HERPUD2: variants seen among roughly 807,000 people sequenced by gnomAD.
HERPUD2 encodes the protein homocysteine-responsive endoplasmic reticulum-resident ubiquitin-like domain member 2 protein.
A neutral mutation model predicts 49.9 loss-of-function variants in HERPUD2; 13 were observed. That is an observed-to-expected ratio of 0.26 (90% confidence interval 0.17 to 0.41). HERPUD2 has a LOEUF of 0.41. Ranked by LOEUF, HERPUD2 falls within the 10% of genes least tolerant of loss-of-function variation. The pLI, the probability that HERPUD2 is intolerant of heterozygous loss-of-function variation, is 1.00. For synonymous variants in HERPUD2, 172 were observed against 171.4 expected (o/e 1.00, Z -0.03); for missense variants, 449 against 492.2 (o/e 0.91, Z 0.83).
At chr7:35,693,672 G>A (rs1786243863) in intron 2 of HERPUD2, among the ~76,000 whole-genome samples, 1 of 151,688 alleles carries the variant, frequency 6.6e-6, no homozygotes, top group Non-Finnish European at 1.5e-5. Flanking sequence ...GAGTCTCACT[G>A]TGCCACTCAG....
intron 2 of HERPUD2, among the ~76,000 whole-genome samples, chr7:35,688,731 G>C (rs1786117385): frequency 6.6e-6 from 1 of 152,080 alleles, no homozygotes; most frequent in Non-Finnish European, 1.5e-5. Context: ...GTTCTTTTTA[G>C]TTTACAAGTA....
intron 2 of HERPUD2, among the ~76,000 whole-genome samples, chr7:35,682,385 ATAC>A (rs2116021448): frequency 1.5e-5 from 2 of 132,882 alleles, no homozygotes; most frequent in African/African-American, 2.8e-5. Context: ...ATATATATAT[ATAC>A]TTAATCGGCA....
chr7:35,665,419 G>C (rs146571035), intron 5 of HERPUD2, among the ~76,000 whole-genome samples: 10 of 152,366 alleles, frequency 6.6e-5, no homozygotes, highest in Non-Finnish European at 1.5e-4. Flanking sequence ...CTCTGAGCCA[G>C]GCGCGGGATA....
chr7:35,658,741 TG>T (rs752988139), intron 5 of HERPUD2, among the ~76,000 whole-genome samples: 4 of 152,198 alleles, frequency 2.6e-5, no homozygotes, highest in Non-Finnish European at 5.9e-5. Context: ...AGCCAGTAAT[TG>T]TTAGAGTAAA....
chr7:35,686,178 C>CCTTTTT (rs892011608), intron 2 of HERPUD2, among the ~76,000 whole-genome samples: 2 of 151,148 alleles, frequency 1.3e-5, no homozygotes, highest in African/African-American at 4.9e-5. Flanking sequence ...AATATCATTA[C>CCTTTTT]CTTTTTCTTT....
intron 5 of HERPUD2, among the ~76,000 whole-genome samples, chr7:35,642,051 T>C (rs1340263880): frequency 6.6e-6 from 1 of 152,120 alleles, no homozygotes; most frequent in African/African-American, 2.4e-5. Flanking sequence ...AAGAAAATAT[T>C]TGCAAACTAT....
intron 5 of HERPUD2, among the ~76,000 whole-genome samples, chr7:35,657,736 C>T (rs1409088732): frequency 5.3e-5 from 8 of 150,268 alleles, no homozygotes; most frequent in Non-Finnish European, 1.0e-4. Flanking sequence ...TGTGAAACCC[C>T]GTCTCTACTA....
chr7:35,661,270 T>C (rs1412111385), intron 5 of HERPUD2, among the ~76,000 whole-genome samples: 4 of 152,230 alleles, frequency 2.6e-5, no homozygotes, highest in African/African-American at 9.6e-5. Flanking sequence ...CATGCTGTTT[T>C]GGTTACTGTA....
At chr7:35,662,551 A>G (rs1224956131) in intron 5 of HERPUD2, among the ~76,000 whole-genome samples, 1 of 152,110 alleles carries the variant, frequency 6.6e-6, no homozygotes, top group Admixed American at 6.5e-5. Context: ...TCAATTTCAG[A>G]ACCCGTTATT....
chr7:35,692,834 C>A (rs529560353), intron 2 of HERPUD2, among the ~76,000 whole-genome samples: 1 of 152,146 alleles, frequency 6.6e-6, no homozygotes, highest in Admixed American at 6.5e-5. Flanking sequence ...TCATTAATAT[C>A]GTAATATAGA....
At chr7:35,668,604 T>C (rs1177720177) in intron 4 of HERPUD2, 3 of 154,788 alleles carry the variant, frequency 1.9e-5, no homozygotes, top group Non-Finnish European at 2.9e-5. Context: ...AGTCCTGCAA[T>C]GTGAAAGGTC....
At chr7:35,634,567 G>T in intron 7 of HERPUD2, 138 bp from the exon 8 acceptor site, 1 of 574,560 alleles carries the variant, frequency 1.7e-6, no homozygotes, top group Non-Finnish European at 3.0e-6. Flanking sequence ...CCCACTTCAG[G>T]ACAGGGAACT....
intron 3 of HERPUD2, among the ~76,000 whole-genome samples, chr7:35,671,354 T>C (rs1277387846): frequency 1.3e-5 from 2 of 151,920 alleles, no homozygotes; most frequent in African/African-American, 4.8e-5. Flanking sequence ...CTTTAGGAGT[T>C]TGGAGGAAGG....
At chr7:35,654,155 C>A (rs1192833105) in intron 5 of HERPUD2, among the ~76,000 whole-genome samples, 2 of 150,874 alleles carry the variant, frequency 1.3e-5, no homozygotes, top group Non-Finnish European at 3.0e-5. Flanking sequence ...AAATACACCC[C>A]CAAGAACTAG....
intron 2 of HERPUD2, among the ~76,000 whole-genome samples, chr7:35,676,239 A>G (rs1785759698): frequency 6.6e-6 from 1 of 152,212 alleles, no homozygotes; most frequent in Non-Finnish European, 1.5e-5. Context: ...TGTCTCGTAG[A>G]ACTTTCCAGT....
At position 35,694,184 on chromosome 7, in the gene HERPUD2, T is replaced by C. The variant is rs770190349; in HGVS notation, c.147A>G (p.Pro49=). ...THLSNVYPSK[P]LTKDQRLVYS... is the part of the protein sequence containing the mutation. ...CTGCCCCCAGCTTTTACACACTTAC[T>C]GGTTTGCTAGGGTAAACGTTAGATA... is the stretch of plus-strand genomic sequence containing the variant. Residue 49 remains proline (P), a splice_region_variant and synonymous_variant, in exon 2 of 9, where the codon CCA becomes CCG. Coordinates refer to ENST00000311350, the MANE Select transcript of HERPUD2 (RefSeq NM_022373.5). 1 of 1,614,020 alleles carries C rather than the reference T, an allele frequency of 6.2e-7. No individual in the cohort carries two copies. Among genetic ancestry groups the C allele is most frequent in the African/African-American group, 1.3e-5 (1 of 74,914 alleles).
chr7:35,665,354 G>C (rs1417659160), intron 5 of HERPUD2, among the ~76,000 whole-genome samples: 2 of 152,236 alleles, frequency 1.3e-5, no homozygotes, highest in Non-Finnish European at 2.9e-5. Flanking sequence ...TCGCCTTGCA[G>C]TTTGATCTCA....
intron 5 of HERPUD2, among the ~76,000 whole-genome samples, chr7:35,652,501 A>G (rs1785187868): frequency 6.6e-6 from 1 of 152,310 alleles, no homozygotes; most frequent in East Asian, 1.9e-4. Context: ...TAGAACCCCC[A>G]GCAGACTATC....
At chr7:35,659,813 G>C (rs989791945) in intron 5 of HERPUD2, among the ~76,000 whole-genome samples, 1 of 151,542 alleles carries the variant, frequency 6.6e-6, no homozygotes, top group East Asian at 1.9e-4. Flanking sequence ...ACTCACTTTT[G>C]GCAAAATATT....
Sources: gnomAD v4.1 joint callset for allele counts (sites outside exome capture counted in the v4.1 genomes callset) on GRCh38, gnomAD v4.1.1 for gene constraint, MANE v1.5 for transcripts, NCBI Gene and HGNC (gene_info 2026-07-23, HGNC 2026-07-21) for gene names.